The following URI1 variants were observed in gnomAD, a reference collection of about 807,000 sequenced individuals.
URI1 encodes unconventional prefoldin RPB5 interactor 1.
In URI1, 39 loss-of-function variants were observed where a neutral mutation model predicts 60.2. The ratio of observed to expected loss-of-function variants is 0.65; its 90% CI spans 0.50 to 0.85. URI1 has a LOEUF of 0.85. URI1 is among the 40% of genes least tolerant of loss of function. URI1 has a pLI of 0.00. For missense variants in URI1, 691 were observed against 665.9 expected (o/e 1.04, Z -0.42); for synonymous variants, 251 against 236.8 (o/e 1.06, Z -0.55).
chr19:29,970,402 AAC>A, intron 1 of URI1, among the ~76,000 whole-genome samples: 1 of 152,126 alleles, frequency 6.6e-6, no homozygotes, highest in South Asian at 2.1e-4. Context: ...AATCCTTGAA[AAC>A]AGTGTTAATT....
chr19:29,981,094 C>CT (rs35058414), intron 2 of URI1, among the ~76,000 whole-genome samples: 30 of 145,106 alleles, frequency 2.1e-4, no homozygotes, highest in Admixed American at 4.1e-4. Flanking sequence ...AGGATGTAGA[C>CT]TTTTTTTTTT....
At chr19:29,937,952 C>G (rs1407875178), upstream of URI1, 3 of 152,334 alleles carry the variant, frequency 2.0e-5, no homozygotes, top group East Asian at 5.8e-4. Context: ...TTACCAACAA[C>G]CAGCAGCCTC....
chr19:29,950,355 A>G lies in URI1; in HGVS notation c.117+7691A>G, dbSNP rs980434721. ...TGTTGTTATCATTTTTAGTTTAAGA[A>G]CCTTTTAGCTTGTATCACTTGCCCT... On this transcript the variant is annotated intron_variant, in intron 1 of 10. Transcript: ENST00000392271. 2.6e-5 allele frequency among the ~76,000 whole-genome samples: 4 copies of G among 152,046 alleles called. No homozygotes were observed. The South Asian group carries it at 8.3e-4, about 32-fold the overall frequency.
chr19:29,959,996 G>A (rs948472247), intron 1 of URI1, among the ~76,000 whole-genome samples: 8 of 151,858 alleles, frequency 5.3e-5, no homozygotes, highest in African/African-American at 1.9e-4. Flanking sequence ...ATTGCCTTAG[G>A]TACTGCACAC....
At chr19:29,955,427 C>T (rs1477495737) in intron 1 of URI1, among the ~76,000 whole-genome samples, 1 of 152,094 alleles carries the variant, frequency 6.6e-6, no homozygotes, top group Non-Finnish European at 1.5e-5. Flanking sequence ...TGTGAAGTAA[C>T]TTTGGGTAAA....
At chr19:30,005,761 TGA>T in intron 6 of URI1, 53 bp downstream of exon 6, 1 of 1,494,492 alleles carries the variant, frequency 6.7e-7, no homozygotes. Flanking sequence ...TGATTTTTGT[TGA>T]TTTTCAGTGG....
chr19:29,965,992 A>G (rs1568420972), intron 1 of URI1, among the ~76,000 whole-genome samples: 1 of 152,258 alleles, frequency 6.6e-6, no homozygotes, highest in Non-Finnish European at 1.5e-5. Flanking sequence ...CATCTTAGCT[A>G]ACATTTTAAA....
At chr19:29,967,337 C>T (rs989929311) in intron 1 of URI1, among the ~76,000 whole-genome samples, 15 of 152,108 alleles carry the variant, frequency 9.9e-5, no homozygotes, top group Admixed American at 9.8e-4. Context: ...GTGTCTAACC[C>T]TATTAATTTA....
chr19:29,958,574 TTAA>T (rs1373819988), intron 1 of URI1, among the ~76,000 whole-genome samples: 1 of 152,258 alleles, frequency 6.6e-6, no homozygotes, highest in Non-Finnish European at 1.5e-5. Context: ...TATTGCTAGA[TTAA>T]ATTTGATAAT....
At chr19:29,997,917 A>G (rs943491246) in intron 4 of URI1, among the ~76,000 whole-genome samples, 2 of 152,046 alleles carry the variant, frequency 1.3e-5, no homozygotes, top group Non-Finnish European at 2.9e-5. Context: ...GGTGAGGGCT[A>G]CCATGCCTGG....
At chr19:29,959,077 G>A (rs554706603) in intron 1 of URI1, among the ~76,000 whole-genome samples, 182 of 152,170 alleles carry the variant, frequency 1.2e-3, no homozygotes, top group African/African-American at 4.2e-3. Flanking sequence ...TCCCATTTTT[G>A]TATATCCTAT....
intron 4 of URI1, among the ~76,000 whole-genome samples, chr19:29,987,399 A>G (rs554582706): frequency 2.6e-5 from 4 of 152,210 alleles, no homozygotes; most frequent in Admixed American, 6.5e-5. Context: ...ATCAACTCCT[A>G]TAAGTTTATA....
chr19:29,998,020 C>A (rs1012324524), intron 4 of URI1, among the ~76,000 whole-genome samples: 1 of 152,114 alleles, frequency 6.6e-6, no homozygotes, highest in African/African-American at 2.4e-5. Flanking sequence ...CTGCCTCGGC[C>A]TCCTAAAGTG....
intron 5 of URI1, 70 bp downstream of exon 5, chr19:30,005,522 G>A: frequency 6.7e-7 from 1 of 1,489,494 alleles, no homozygotes; most frequent in Non-Finnish European, 9.1e-7. Flanking sequence ...CTATCTTACA[G>A]CCAAGGAACA....
At chr19:30,007,052 T>C (rs1468604169) in intron 6 of URI1, among the ~76,000 whole-genome samples, 1 of 152,102 alleles carries the variant, frequency 6.6e-6, no homozygotes, top group African/African-American at 2.4e-5. Context: ...TAGATTTCCT[T>C]GAGTAAGGAT....
chr19:29,958,481 T>C (rs558306171), intron 1 of URI1, among the ~76,000 whole-genome samples: 2 of 152,352 alleles, frequency 1.3e-5, no homozygotes, highest in East Asian at 1.9e-4. Flanking sequence ...TATGGTAAAT[T>C]ACTTTGATTC....
At chr19:29,984,862 C>A (rs2083598691) in intron 2 of URI1, among the ~76,000 whole-genome samples, 1 of 151,976 alleles carries the variant, frequency 6.6e-6, no homozygotes, top group South Asian at 2.1e-4. Flanking sequence ...TGGCTCACGC[C>A]TGTAACTCTA....
At chr19:29,962,508 C>T (rs1456198021) in intron 1 of URI1, among the ~76,000 whole-genome samples, 1 of 149,152 alleles carries the variant, frequency 6.7e-6, no homozygotes, top group Non-Finnish European at 1.5e-5. Context: ...TGCATGATTG[C>T]TCCCATGCAT....
Position 30,007,493 on chromosome 19 carries a change from C to G in URI1, c.541C>G (p.Pro181Ala). The change falls in exon 7 of 11, where the codon CCG becomes GCG. Residue 181 changes from proline (P) to alanine (A), a missense_variant. Pro to Ala is a conservative substitution (Grantham distance 27). Coordinates refer to ENST00000392271, the MANE Select transcript of URI1 (RefSeq NM_003796.3). ...FKAKHRIAHK[P>A]HSKPKTSDIF... The stretch of plus-strand genomic sequence containing the variant: ...AGCAAAACACCGAATTGCTCATAAA[C>G]CGCATTCCAAACCAAAAACTTCAGA... 6.2e-7 allele frequency: 1 copy of G among 1,613,032 alleles called. No homozygotes were observed. Among genetic ancestry groups the G allele is most frequent in the East Asian group, 2.2e-5 (1 of 44,808 alleles).
Sources: gnomAD v4.1 joint callset for allele counts (sites outside exome capture counted in the v4.1 genomes callset) on GRCh38, gnomAD v4.1.1 for gene constraint, MANE v1.5 for transcripts, NCBI Gene and HGNC (gene_info 2026-07-23, HGNC 2026-07-21) for gene names.